The following AP1B1 variants were observed in gnomAD, a reference collection of about 807,000 sequenced individuals.
AP1B1 encodes adaptor related protein complex 1 subunit beta 1.
In AP1B1, 36 loss-of-function variants were observed where a neutral mutation model predicts 104.3. The ratio of observed to expected loss-of-function variants is 0.35; its 90% CI spans 0.26 to 0.46. The LOEUF (loss-of-function observed/expected upper bound fraction) is 0.46, where lower values mean the gene tolerates loss of function less well. Ranked by LOEUF, AP1B1 falls within the 20% of genes least tolerant of loss-of-function variation. AP1B1 has a pLI of 1.00. For missense variants in AP1B1, 901 were observed against 1,247.9 expected, an observed-to-expected ratio of 0.72 and a Z score of 4.19; for synonymous variants, 504 against 517.5, an observed-to-expected ratio of 0.97 and a Z score of 0.35.
chr22:29,357,085 A>C (rs2061971107), intron 5 of AP1B1, among the ~76,000 whole-genome samples: 1 of 147,334 alleles, frequency 6.8e-6, no homozygotes, highest in Non-Finnish European at 1.5e-5. Context: ...TTTTTTTGAG[A>C]TGGAGTTGTG....
intron 8 of AP1B1, 40 bp from the exon 9 acceptor site, chr22:29,351,306 T>A (rs2061870578): frequency 6.3e-7 from 1 of 1,596,256 alleles, no homozygotes; most frequent in African/African-American, 1.3e-5. Context: ...GGGCACCTGA[T>A]GGGGCAATCT....
intron 2 of AP1B1, among the ~76,000 whole-genome samples, chr22:29,366,852 AC>A (rs1243422441): frequency 4.3e-5 from 6 of 140,322 alleles, no homozygotes; most frequent in Admixed American, 1.4e-4. Context: ...ACACACACAC[AC>A]ACACACACAC....
At position 29,341,535 on chromosome 22, in the gene AP1B1, C is replaced by A. The variant is rs775310171; in HGVS notation, c.1762G>T (p.Val588Phe). ...CGAGGTGGCAGGCTCTTGTGCACGACGCCCCGGCCCCCCTCCACAAAGGCA... is the reference window on the plus strand; with the variant it reads ...CGAGGTGGCAGGCTCTTGTGCACGAAGCCCCGGCCCCCCTCCACAAAGGCA... ...PSAFVEGGRG[V>F]VHKSLPPRTA... The change falls in exon 13 of 23, where the codon GTC becomes TTC. Residue 588 changes from valine to phenylalanine, a missense_variant. By Grantham distance (50) the Val-to-Phe change is conservative (BLOSUM62 -1). Coordinates refer to ENST00000357586, the MANE Select transcript of AP1B1 (RefSeq NM_001127.4). The A allele has an allele frequency of 6.2e-7, 1 of 1,613,844 alleles. No homozygotes were observed. The highest frequency in any genetic ancestry group is 8.5e-7 in the Non-Finnish European group (1 of 1,179,958).
intron 1 of AP1B1, among the ~76,000 whole-genome samples, chr22:29,383,498 C>A (rs2062469827): frequency 6.6e-6 from 1 of 152,052 alleles, no homozygotes; most frequent in African/African-American, 2.4e-5. Context: ...ATCACAAGGT[C>A]AGGAGATCGA....
chr22:29,358,942 T>C lies in AP1B1; in HGVS notation c.309A>G (p.Arg103=). The part of the protein sequence containing the change: ...KDCEDPNPLI[R]ALAVRTMGCI... ...AGCCCATGGTCCGCACTGCCAGGGC[T>C]CGGATGAGGGGGTTGGGGTCCTCAC... The change falls in exon 5 of 23, where the codon CGA becomes CGG. Residue 103 remains arginine, a synonymous_variant. Coordinates refer to ENST00000357586, the MANE Select transcript of AP1B1 (RefSeq NM_001127.4). 6.2e-7 allele frequency: 1 copy of C among 1,611,952 alleles called. No homozygotes were observed.
At chr22:29,372,825 A>C (rs1446964944) in intron 1 of AP1B1, among the ~76,000 whole-genome samples, 1 of 152,228 alleles carries the variant, frequency 6.6e-6, no homozygotes, top group Non-Finnish European at 1.5e-5. Context: ...AAAACATAAG[A>C]AAATCACCTC....
At chr22:29,363,466 A>G (rs1193862644) in intron 2 of AP1B1, among the ~76,000 whole-genome samples, 1 of 152,146 alleles carries the variant, frequency 6.6e-6, no homozygotes, top group African/African-American at 2.4e-5. Flanking sequence ...TGGCCAACAT[A>G]GTGAAACCTT....
intron 1 of AP1B1, among the ~76,000 whole-genome samples, chr22:29,376,164 G>A (rs1300822758): frequency 2.6e-5 from 4 of 152,328 alleles, no homozygotes; most frequent in African/African-American, 7.2e-5. Flanking sequence ...ACCCCATTAG[G>A]TCTTCTGTAG....
chr22:29,350,871 G>C (rs1427594772), intron 9 of AP1B1, among the ~76,000 whole-genome samples: 1 of 152,240 alleles, frequency 6.6e-6, no homozygotes. Flanking sequence ...CCAGAGCTCT[G>C]TGAAGTGAAT....
intron 1 of AP1B1, among the ~76,000 whole-genome samples, chr22:29,387,180 C>T (rs2062538677): frequency 6.6e-6 from 1 of 152,110 alleles, no homozygotes; most frequent in East Asian, 1.9e-4. Context: ...TCACTAATAG[C>T]AACAGCCTGT....
intron 5 of AP1B1, 56 bp from the exon 6 acceptor site, chr22:29,356,672 G>A: frequency 6.6e-7 from 1 of 1,515,834 alleles, no homozygotes. Flanking sequence ...AGGCCAGGGG[G>A]CAGTGCATTA....
At chr22:29,335,018 C>G (rs1444152620) in intron 16 of AP1B1, among the ~76,000 whole-genome samples, 1 of 152,216 alleles carries the variant, frequency 6.6e-6, no homozygotes, top group Admixed American at 6.5e-5. Context: ...AACCCTGCCC[C>G]CAGGTTCCCT....
intron 1 of AP1B1, among the ~76,000 whole-genome samples, chr22:29,373,170 C>T (rs2062269463): frequency 1.3e-5 from 2 of 151,876 alleles, no homozygotes; most frequent in South Asian, 2.1e-4. Context: ...ACTCAGGAGG[C>T]GGAGGTGGGA....
At chr22:29,379,439 C>T (rs931150815) in intron 1 of AP1B1, among the ~76,000 whole-genome samples, 19 of 152,226 alleles carry the variant, frequency 1.2e-4, no homozygotes, top group African/African-American at 4.3e-4. Context: ...TACAGAACAA[C>T]GCTCTTTGTG....
chr22:29,372,171 C>T (rs1039088387), intron 1 of AP1B1, among the ~76,000 whole-genome samples: 1 of 152,060 alleles, frequency 6.6e-6, no homozygotes, highest in Non-Finnish European at 1.5e-5. Flanking sequence ...GCCTGTAATC[C>T]GAGCAGTTTG....
chr22:29,330,775 C>T, intron 19 of AP1B1, 66 bp from the exon 20 acceptor site: 1 of 1,411,866 alleles, frequency 7.1e-7, no homozygotes, highest in Non-Finnish European at 9.7e-7. Flanking sequence ...CTCTGTAGCT[C>T]AGCAGGAAAT....
chr22:29,359,602 T>C, intron 4 of AP1B1: 1 of 489,664 alleles, frequency 2.0e-6, no homozygotes, highest in Non-Finnish European at 3.5e-6. Flanking sequence ...TCAACAGGCC[T>C]GGCAGGACCT....
At chr22:29,371,280 C>A (rs547187527) in intron 1 of AP1B1, among the ~76,000 whole-genome samples, 2 of 152,310 alleles carry the variant, frequency 1.3e-5, no homozygotes, top group African/African-American at 4.8e-5. Flanking sequence ...CAGTTCAGTC[C>A]TAACGGGGCT....
chr22:29,341,471 G>A (rs956025242), intron 13 of AP1B1, 30 bp downstream of exon 13: 3 of 1,597,122 alleles, frequency 1.9e-6, no homozygotes, highest in Admixed American at 3.4e-5. Context: ...AGAGTGTGAA[G>A]GCGCAGGCCG....
Sources: gnomAD v4.1 joint callset for allele counts (sites outside exome capture counted in the v4.1 genomes callset) on GRCh38, gnomAD v4.1.1 for gene constraint, MANE v1.5 for transcripts, NCBI Gene and HGNC (gene_info 2026-07-23, HGNC 2026-07-21) for gene names.